Variants in LRRC37A2 observed in about 807,000 individuals in gnomAD.
LRRC37A2 encodes leucine-rich repeat-containing protein 37A2.
In LRRC37A2, 9 loss-of-function variants were observed where a neutral mutation model predicts 68.8. The observed-to-expected ratio is 0.13, with a 90% CI of 0.08 to 0.23. The LOEUF is 0.23. Ranked by LOEUF, LRRC37A2 falls within the 10% of genes least tolerant of loss-of-function variation. The pLI, the probability that LRRC37A2 is intolerant of heterozygous loss-of-function variation, is 1.00. For missense variants in LRRC37A2, 168 were observed against 950.4 expected (o/e 0.18, Z 10.82); for synonymous variants, 63 against 367.6 (o/e 0.17, Z 9.48).
At chr17:46,778,549 C>T in the LRRC37A2 span, among the ~76,000 whole-genome samples, 2 of 152,180 alleles carry the variant, frequency 1.3e-5, no homozygotes, top group Non-Finnish European at 1.5e-5. Context: ...GCCTCCTGCC[C>T]GCACACTGCT....
rs2054126278 is a variant in LRRC37A2 at position 46,533,882 on chromosome 17, T to C, written c.2907-6294T>C. On this transcript the variant is annotated intron_variant, in intron 6 of 14. Transcript: ENST00000576629. ...TTCTAGCAACAAAGTCTCTCAGTTT[T>C]TATTTATCTAGAATATCTTAATTTC... 2.9e-5 allele frequency among the ~76,000 whole-genome samples: 3 copies of C among 104,714 alleles called. No homozygotes were observed. The East Asian group carries it at 7.7e-4, about 27-fold the overall frequency. 68.7% of individuals were successfully genotyped at this position (104,714 alleles called of 152,430 possible).
At chr17:46,850,716 C>T in the LRRC37A2 span, among the ~76,000 whole-genome samples, 1 of 152,196 alleles carries the variant, frequency 6.6e-6, no homozygotes, top group African/African-American at 2.4e-5. Flanking sequence ...ACCTTCGCAG[C>T]AGAAATTGGG....
the LRRC37A2 span, chr17:46,875,373 A>G: frequency 6.3e-7 from 1 of 1,590,652 alleles, no homozygotes; most frequent in Non-Finnish European, 8.6e-7. Context: ...CAAGGTGAGC[A>G]TGTCCCTGGC....
At chr17:46,795,712 G>A in the LRRC37A2 span, among the ~76,000 whole-genome samples, 418 of 152,296 alleles carry the variant, frequency 2.7e-3, 2 homozygotes, top group African/African-American at 9.4e-3. Flanking sequence ...ACTCACAAAC[G>A]ATTCTGCCGC....
At chr17:46,907,224 C>T in the LRRC37A2 span, among the ~76,000 whole-genome samples, 2 of 152,202 alleles carry the variant, frequency 1.3e-5, no homozygotes, top group African/African-American at 4.8e-5. Flanking sequence ...TTTCTGATGC[C>T]TCTATGAGCC....
the LRRC37A2 span, among the ~76,000 whole-genome samples, chr17:46,588,703 A>G: frequency 2.0e-5 from 1 of 50,246 alleles, no homozygotes; most frequent in Admixed American, 2.1e-4. Flanking sequence ...AAAAAAAAAA[A>G]AAAGGATACA....
At chr17:47,033,371 G>A in the LRRC37A2 span, 7 of 699,116 alleles carry the variant, frequency 1.0e-5, no homozygotes, top group African/African-American at 7.0e-5. Context: ...GGAGATGTGT[G>A]GCTCACGAAC....
At chr17:46,817,239 T>TG in the LRRC37A2 span, among the ~76,000 whole-genome samples, 1 of 152,152 alleles carries the variant, frequency 6.6e-6, no homozygotes, top group East Asian at 1.9e-4. Flanking sequence ...CCCTGGACTC[T>TG]GGGTTGGCGA....
chr17:46,500,701 C>T, the LRRC37A2 span, among the ~76,000 whole-genome samples: 1 of 150,960 alleles, frequency 6.6e-6, no homozygotes, highest in Middle Eastern at 3.4e-3. Context: ...TTGTTTTTTT[C>T]TTTTTTTTCC....
the LRRC37A2 span, among the ~76,000 whole-genome samples, chr17:46,737,382 A>G: frequency 8.4e-4 from 128 of 152,324 alleles, no homozygotes; most frequent in Middle Eastern, 3.4e-3. Context: ...ATAATTTTTT[A>G]GCATCAGCAT....
At chr17:46,940,205 T>G in the LRRC37A2 span, 1 of 1,401,160 alleles carries the variant, frequency 7.1e-7, no homozygotes, top group Non-Finnish European at 9.3e-7. Flanking sequence ...TAAGTTTTCT[T>G]AATTGTCATA....
At chr17:46,493,326 GTTT>G in the LRRC37A2 span, among the ~76,000 whole-genome samples, 2 of 100,460 alleles carry the variant, frequency 2.0e-5, no homozygotes, top group East Asian at 5.5e-4. Flanking sequence ...CACCTGGCTA[GTTT>G]TTTTTTTTTT....
chr17:46,974,729 C>A, the LRRC37A2 span, among the ~76,000 whole-genome samples: 1 of 76,044 alleles, frequency 1.3e-5, no homozygotes. Flanking sequence ...GCAAGACTCT[C>A]TCTCAAAAAA....
chr17:46,851,548 C>T, the LRRC37A2 span: 4 of 673,542 alleles, frequency 5.9e-6, no homozygotes, highest in Non-Finnish European at 8.3e-6. This position sits in a 1 kb window ranked among gnomAD's most constrained non-coding sequence, Gnocchi z 4.3. Flanking sequence ...CCCCGCCCCA[C>T]CCGGGTTTAA....
the LRRC37A2 span, among the ~76,000 whole-genome samples, chr17:46,772,073 C>T: frequency 2.3e-4 from 35 of 152,198 alleles, no homozygotes; most frequent in East Asian, 1.2e-3. Context: ...GCCGCCCACG[C>T]GGCGGTGGTG....
the LRRC37A2 span, chr17:46,938,992 C>T: frequency 1.3e-3 from 1,746 of 1,382,106 alleles, 5 homozygotes; most frequent in Middle Eastern, 2.8e-3. Context: ...AAAGAAGTCC[C>T]GGGTCTGTCT....
chr17:46,754,009 A>C, the LRRC37A2 span, among the ~76,000 whole-genome samples: 3 of 152,172 alleles, frequency 2.0e-5, no homozygotes, highest in Non-Finnish European at 2.9e-5. Flanking sequence ...TCATTTATCT[A>C]GATTACTTTT....
At chr17:46,799,446 CTTT>C in the LRRC37A2 span, among the ~76,000 whole-genome samples, 132 of 121,542 alleles carry the variant, frequency 1.1e-3, no homozygotes, top group Admixed American at 1.5e-3. Context: ...ATTATTTCTA[CTTT>C]TTTTTTTTTT....
intron 6 of LRRC37A2, among the ~76,000 whole-genome samples, chr17:46,532,840 C>A (rs1482665993): frequency 1.3e-5 from 2 of 149,664 alleles, no homozygotes; most frequent in African/African-American, 5.1e-5. Flanking sequence ...GTGGCTCACA[C>A]CTGTCATCCT....
Sources: gnomAD v4.1 joint callset for allele counts (sites outside exome capture counted in the v4.1 genomes callset) on GRCh38, gnomAD v4.1.1 for gene constraint, Gnocchi (gnomAD v3.1) non-coding constraint, MANE v1.5 for transcripts, NCBI Gene and HGNC (gene_info 2026-07-23, HGNC 2026-07-21) for gene names.